CRIM1: variants seen among roughly 807,000 people sequenced by gnomAD.
The protein encoded by CRIM1 is cysteine-rich motor neuron 1 protein.
CRIM1 carries 32 observed loss-of-function variants against 116.4 expected under a neutral mutation model. The observed-to-expected ratio is 0.27, with a 90% CI of 0.21 to 0.37. The LOEUF (loss-of-function observed/expected upper bound fraction) is 0.37. Among genes scored for constraint, CRIM1 ranks in the 10% least tolerant of loss-of-function variants. The pLI is 1.00. For synonymous variants in CRIM1, 590 were observed against 509.2 expected (o/e 1.16, Z -2.13); for missense variants, 1,331 against 1,354.8 (o/e 0.98, Z 0.28).
rs958049618 is a variant in CRIM1, at chr2:36,382,339, C to T, written c.332-14275C>T. Among the ~76,000 whole-genome samples the T allele has an allele frequency of 6.6e-5, 10 of 152,316 alleles. No homozygotes were observed. The East Asian group carries it at 1.2e-3, about 18-fold the overall frequency. ...TGAAACACCTGTTTTAAGTGGAAAG[C>T]GATCCTAACTGCTGCCATACCTGAA... On this transcript the variant is annotated intron_variant, in intron 1 of 16. Coordinates refer to ENST00000280527, the MANE Select transcript of CRIM1 (RefSeq NM_016441.3).
At chr2:36,390,901 C>T (rs986727520) in intron 1 of CRIM1, among the ~76,000 whole-genome samples, 2 of 151,354 alleles carry the variant, frequency 1.3e-5, no homozygotes, top group Non-Finnish European at 2.9e-5. Context: ...CCTCCACCTC[C>T]CAGGTTCAAG....
At chr2:36,464,418 G>A in intron 4 of CRIM1, 116 bp from the exon 5 acceptor site, 1 of 994,488 alleles carries the variant, frequency 1.0e-6, no homozygotes, top group South Asian at 1.6e-5. Context: ...GATAAAGGAG[G>A]CAGTGTCGTA....
intron 2 of CRIM1, among the ~76,000 whole-genome samples, chr2:36,431,848 T>C (rs1419799119): frequency 6.6e-6 from 1 of 152,240 alleles, no homozygotes; most frequent in Non-Finnish European, 1.5e-5. Flanking sequence ...CTCTGACATA[T>C]TTAAAATCTG....
rs1675951360 is a variant in CRIM1 at position 36,442,704 on chromosome 2, A to C, written c.838A>C (p.Thr280Pro). ...PDSYETQVRL[T>P]ADGCCTLPTR... is the part of the protein sequence containing the mutation. ...CAGCTATGAAACTCAAGTCAGACTA[A>C]CTGCAGATGGTTGCTGTACTTTGCC... is the stretch of plus-strand genomic sequence containing the variant. Residue 280 changes from threonine (T) to proline (P), a missense_variant, in exon 4 of 17, where the codon ACT becomes CCT. Transcript: ENST00000280527. The C allele has an allele frequency of 6.2e-7, 1 of 1,614,000 alleles. No homozygotes were observed. The highest frequency in any genetic ancestry group is 8.5e-7 in the Non-Finnish European group (1 of 1,180,018).
intron 2 of CRIM1, among the ~76,000 whole-genome samples, chr2:36,424,595 A>C (rs1674311061): frequency 6.6e-6 from 1 of 151,702 alleles, no homozygotes; most frequent in Non-Finnish European, 1.5e-5. Context: ...GCTACTTCAC[A>C]CATCACTCTC....
chr2:36,500,114 C>T (rs1680881910), intron 8 of CRIM1, among the ~76,000 whole-genome samples: 1 of 152,088 alleles, frequency 6.6e-6, no homozygotes, highest in South Asian at 2.1e-4. Context: ...ATCACTGGAG[C>T]TCAGGAGTTC....
At chr2:36,420,512 GCACAGTGCAGA>G (rs1673972035) in intron 2 of CRIM1, among the ~76,000 whole-genome samples, 1 of 152,098 alleles carries the variant, frequency 6.6e-6, no homozygotes, top group South Asian at 2.1e-4. Context: ...GTTGTCCCAG[GCACAGTGCAGA>G]CACAAGGACA....
At chr2:36,451,434 G>A (rs1443322113) in intron 4 of CRIM1, among the ~76,000 whole-genome samples, 1 of 152,034 alleles carries the variant, frequency 6.6e-6, no homozygotes, top group African/African-American at 2.4e-5. Flanking sequence ...GAGAAATCAA[G>A]GACCTCAAAA....
At position 36,515,480 on chromosome 2, in the gene CRIM1, T is replaced by C. The variant is rs187569102; in HGVS notation, c.1990+1715T>C. Among the ~76,000 whole-genome samples, 245 of 152,356 alleles carry C rather than the reference T, an allele frequency of 1.6e-3. 2 individuals carry two copies. Among genetic ancestry groups the C allele is most frequent in the African/African-American group, 5.7e-3 (239 of 41,580 alleles). On this transcript the variant is annotated intron_variant, in intron 11 of 16. Coordinates refer to ENST00000280527, the MANE Select transcript of CRIM1 (RefSeq NM_016441.3). ...GCATGTTGCCACATAAGCCTCCTTC[T>C]GATTAGAGACTCCAGAGCTGTTGCA...
At chr2:36,526,285 A>G (rs771013726) in intron 13 of CRIM1, among the ~76,000 whole-genome samples, 92 of 152,236 alleles carry the variant, frequency 6.0e-4, no homozygotes, top group Non-Finnish European at 1.2e-3. Context: ...ACAAGAATCA[A>G]AAGTTGACAA....
Position 36,550,030 on chromosome 2 carries a change from TGA to T in CRIM1, c.*1333_*1334del, listed in dbSNP as rs905341171. The stretch of plus-strand genomic sequence containing the variant: ...CAGTTTAATTGGAAAGATGTGTGTG[TGA>T]GAGTATGTATGTGTGTGTGTGTGTG... On this transcript the variant is annotated 3_prime_UTR_variant, in exon 17 of 17. Coordinates refer to ENST00000280527, the MANE Select transcript of CRIM1 (RefSeq NM_016441.3). 2.1e-4 allele frequency: 32 copies of T among 149,906 alleles called. No individual in the cohort carries two copies. The highest frequency in any genetic ancestry group is 3.9e-4 in the East Asian group (2 of 5,106). 9.3% of individuals were successfully genotyped at this position (149,906 alleles called of 1,614,324 possible). A position where few individuals can be genotyped will look rare whatever the true frequency, so the allele number is the denominator to read the frequency against.
intron 2 of CRIM1, among the ~76,000 whole-genome samples, chr2:36,397,477 A>G (rs2148380805): frequency 6.6e-6 from 1 of 152,276 alleles, no homozygotes; most frequent in Admixed American, 6.5e-5. Context: ...AAAGGGGTAA[A>G]GCCTGGGTTT....
At chr2:36,392,024 T>C (rs957948518) in intron 1 of CRIM1, among the ~76,000 whole-genome samples, 1 of 152,240 alleles carries the variant, frequency 6.6e-6, no homozygotes, top group Non-Finnish European at 1.5e-5. Flanking sequence ...ATACATCTTA[T>C]TAATGTTCTG....
intron 1 of CRIM1, among the ~76,000 whole-genome samples, chr2:36,367,564 G>C (rs890866736): frequency 1.3e-5 from 2 of 152,180 alleles, no homozygotes; most frequent in Non-Finnish European, 2.9e-5. Flanking sequence ...GATATCTTAA[G>C]GTTCTACTGG....
At chr2:36,541,630 C>T (rs1387153303) in intron 14 of CRIM1, among the ~76,000 whole-genome samples, 4 of 152,192 alleles carry the variant, frequency 2.6e-5, no homozygotes, top group African/African-American at 7.2e-5. Context: ...TTAGAGATGA[C>T]CAGATGCCTC....
chr2:36,465,203 G>A (rs1677909590), intron 5 of CRIM1, among the ~76,000 whole-genome samples: 1 of 152,148 alleles, frequency 6.6e-6, no homozygotes, highest in Non-Finnish European at 1.5e-5. Context: ...CTTGACCCAC[G>A]TGGCCCTGAA....
Position 36,356,186 on chromosome 2 carries a change from C to T in CRIM1, c.-107C>T, listed in dbSNP as rs1236429153. 1.1e-5 allele frequency: 4 copies of T among 373,948 alleles called. No individual in the cohort carries two copies. The highest frequency in any genetic ancestry group is 1.1e-4 in the Admixed American group (2 of 17,838). 23.2% of individuals were successfully genotyped at this position (373,948 alleles called of 1,614,324 possible). ...GGGCCCCGAGAGGGGCGGTGAGGACCGCGGGCTGCTGGTGCGGCGGCGGCG... is the reference window on the plus strand; with the variant it reads ...GGGCCCCGAGAGGGGCGGTGAGGACTGCGGGCTGCTGGTGCGGCGGCGGCG... On this transcript the variant is annotated 5_prime_UTR_variant, in exon 1 of 17. Transcript: ENST00000280527. This position sits in a 1 kb window ranked among gnomAD's most constrained non-coding sequence, Gnocchi z 4.3.
chr2:36,533,236 G>A lies in CRIM1; in HGVS notation c.2429-4116G>A, dbSNP rs190621619. Among the ~76,000 whole-genome samples the A allele has an allele frequency of 3.2e-3, 490 of 152,148 alleles. 6 individuals are homozygous for A. The highest frequency in any genetic ancestry group is 5.7e-3 in the Non-Finnish European group (390 of 67,998). On this transcript the variant is annotated intron_variant, in intron 13 of 16. Transcript: ENST00000280527. The stretch of plus-strand genomic sequence containing the variant: ...GTAGCTTCCAAAACTTCCTGATGGC[G>A]TTTTCGCAAATGGGTCCCTATGTGT...
chr2:36,433,696 A>G (rs1675076792), intron 2 of CRIM1, among the ~76,000 whole-genome samples: 1 of 152,174 alleles, frequency 6.6e-6, no homozygotes, highest in Non-Finnish European at 1.5e-5. Flanking sequence ...AATCTTTGTG[A>G]GTGATTTTAA....
Sources: gnomAD v4.1 joint callset for allele counts (sites outside exome capture counted in the v4.1 genomes callset) on GRCh38, gnomAD v4.1.1 for gene constraint, Gnocchi (gnomAD v3.1) non-coding constraint, MANE v1.5 for transcripts, NCBI Gene and HGNC (gene_info 2026-07-23, HGNC 2026-07-21) for gene names.